Variants in WNK2 observed in about 807,000 individuals in gnomAD.
WNK2 encodes WNK lysine deficient protein kinase 2.
WNK2 carries 67 observed loss-of-function variants against 192.1 expected under a neutral mutation model. That is an observed-to-expected ratio of 0.35 (90% CI 0.29 to 0.43). The LOEUF is 0.43. Ranked by LOEUF, WNK2 falls within the 20% of genes least tolerant of loss-of-function variation. The pLI, the probability that WNK2 is intolerant of heterozygous loss-of-function variation, is 1.00. For missense variants in WNK2, 2,698 were observed against 3,089.7 expected, an observed-to-expected ratio of 0.87 and a Z score of 3.01; for synonymous variants, 1,439 against 1,393.9, an observed-to-expected ratio of 1.03 and a Z score of -0.72.
intron 2 of WNK2, among the ~76,000 whole-genome samples, chr9:93,207,908 C>T (rs1005032014): frequency 2.0e-5 from 3 of 152,244 alleles, no homozygotes; most frequent in Admixed American, 6.5e-5. Context: ...GTTCCGTTCT[C>T]GTGCCTGTGG....
chr9:93,242,649 ATC>A (rs1840974515), intron 7 of WNK2, among the ~76,000 whole-genome samples: 1 of 152,206 alleles, frequency 6.6e-6, no homozygotes, highest in Non-Finnish European at 1.5e-5. Context: ...GGCCAAGAAC[ATC>A]TCTCTGGAGG....
Position 93,263,669 on chromosome 9 carries a change from C to T in WNK2, c.3514C>T (p.Arg1172Cys), listed in dbSNP as rs1244526040. 6.3e-6 allele frequency: 10 copies of T among 1,587,404 alleles called. No individual in the cohort carries two copies. Among genetic ancestry groups the T allele is most frequent in the Middle Eastern group, 1.7e-4 (1 of 6,056 alleles). ...GGGCAGGGCAGCCCGAAAACACCACCGCAGGTCCACGCGTGCGCGCTCCCG... is the reference window on the plus strand; with the variant it reads ...GGGCAGGGCAGCCCGAAAACACCACTGCAGGTCCACGCGTGCGCGCTCCCG... ...LEGRAARKHH[R>C]RSTRARSRQE... The change falls in exon 15 of 30, where the codon CGC (arginine) becomes TGC (cysteine). Residue 1172 changes from arginine (R) to cysteine (C), a missense_variant. Arg to Cys is a radical substitution (Grantham distance 180, BLOSUM62 -3). Around this residue, in one of 7 missense-constraint regions of WNK2, gnomAD observed 893 missense variants for 909.0 expected, o/e 0.98. Transcript: ENST00000427277.
chr9:93,256,512 G>A lies in WNK2; in HGVS notation c.2190+58G>A, dbSNP rs539547638. On this transcript the variant is annotated intron_variant, in intron 10 of 29. Transcript: ENST00000427277. ...TCCAGGCAGGCAGTCACCTGTGCTG[G>A]CCCCTGGGCCCAGGTCTATGAGCAC... 5.0e-5 allele frequency: 72 copies of A among 1,448,044 alleles called. 1 individual carries two copies. The East Asian group carries it at 1.8e-3, about 36-fold the overall frequency. 89.7% of individuals were successfully genotyped at this position (1,448,044 alleles called of 1,614,324 possible).
chr9:93,231,192 C>A, intron 4 of WNK2, 84 bp downstream of exon 4: 1 of 1,373,398 alleles, frequency 7.3e-7, no homozygotes, highest in Non-Finnish European at 1.0e-6. Flanking sequence ...CAGTTTTGTT[C>A]AGACCTGGTG....
At chr9:93,205,204 G>C (rs1315611583) in intron 2 of WNK2, among the ~76,000 whole-genome samples, 2 of 152,186 alleles carry the variant, frequency 1.3e-5, no homozygotes, top group Admixed American at 1.3e-4. Flanking sequence ...GGGGAGGCTT[G>C]AGGAGCACTG....
At chr9:93,260,668 C>T (rs952780668) in intron 12 of WNK2, among the ~76,000 whole-genome samples, 3 of 152,164 alleles carry the variant, frequency 2.0e-5, no homozygotes, top group African/African-American at 7.2e-5. Flanking sequence ...CTCCAGAGGG[C>T]TTTGTGCATA....
At chr9:93,267,665 A>G (rs985781900) in intron 16 of WNK2, 81 bp from the exon 17 acceptor site, 32 of 1,430,450 alleles carry the variant, frequency 2.2e-5, no homozygotes, top group Non-Finnish European at 2.9e-5. Flanking sequence ...GGTACAGGGT[A>G]GACATCCGTC....
intron 19 of WNK2, chr9:93,269,015 A>G (rs2133240495): frequency 7.1e-7 from 1 of 1,404,280 alleles, no homozygotes; most frequent in Middle Eastern, 1.8e-4. Context: ...TGTGTGTTGA[A>G]GAGCTCCGCT....
At chr9:93,198,325 G>C (rs1199183269) in intron 2 of WNK2, among the ~76,000 whole-genome samples, 2 of 152,232 alleles carry the variant, frequency 1.3e-5, no homozygotes, top group Non-Finnish European at 2.9e-5. Context: ...TGAGGGAGCT[G>C]AGCGGCTGCA....
chr9:93,295,944 A>C (rs1266936431), intron 23 of WNK2, among the ~76,000 whole-genome samples: 33 of 35,494 alleles, frequency 9.3e-4, no homozygotes, highest in Admixed American at 2.2e-3. Context: ...CTCCACCCTC[A>C]ACTCACTTTC....
chr9:93,275,170 G>A (rs749300701), intron 19 of WNK2, among the ~76,000 whole-genome samples: 3 of 152,198 alleles, frequency 2.0e-5, no homozygotes, highest in Non-Finnish European at 2.9e-5. Flanking sequence ...GATCATAACA[G>A]TTGACACAGC....
At position 93,239,628 on chromosome 9, in the gene WNK2, T is replaced by C; in HGVS notation, c.1323-129T>C. On this transcript the variant is annotated intron_variant, in intron 6 of 29. Coordinates refer to ENST00000427277, the MANE Select transcript of WNK2 (RefSeq NM_006648.4). This position sits in a 1 kb window ranked among gnomAD's most constrained non-coding sequence, Gnocchi z 4.2. ...ATCTTTTCTTTACCCCTGGGAGTGC[T>C]GAGACATGAGGCCTGGCCTCAGGCT... 2.8e-6 allele frequency: 2 copies of C among 719,878 alleles called. No homozygotes were observed. Among genetic ancestry groups the C allele is most frequent in the Non-Finnish European group, 4.6e-6 (2 of 438,608 alleles). The allele number at this position is 719,878 out of a possible 1,614,324, so 44.6% of individuals were successfully genotyped here. A position where few individuals can be genotyped will look rare whatever the true frequency, so the allele number is the denominator to read the frequency against.
intron 27 of WNK2, chr9:93,308,030 G>A: frequency 2.3e-6 from 1 of 442,766 alleles, no homozygotes; most frequent in Non-Finnish European, 4.0e-6. Context: ...CTGGGGATGG[G>A]CAGCGGTGGG....
At position 93,257,021 on chromosome 9, in the gene WNK2, T is replaced by C. The variant is rs1203516934; in HGVS notation, c.2264T>C (p.Val755Ala). The C allele has an allele frequency of 6.2e-7, 1 of 1,603,086 alleles. No homozygotes were observed. Among genetic ancestry groups the C allele is most frequent in the East Asian group, 2.2e-5 (1 of 44,506 alleles). Residue 755 changes from valine to alanine, a missense_variant, in exon 11 of 30, where the codon GTT (valine) becomes GCT (alanine). By Grantham distance (64) the Val-to-Ala change is moderately conservative. Around this residue, in one of 7 missense-constraint regions of WNK2, gnomAD observed 893 missense variants for 909.0 expected, o/e 0.98. Transcript: ENST00000427277. This position sits in a 1 kb window ranked among gnomAD's most constrained non-coding sequence, Gnocchi z 4.7. The stretch of plus-strand genomic sequence containing the variant: ...CAGCCCGTGGTCCCCCTCCAGCCGG[T>C]TCCCCCCCACCTGCCACCGTACCTG... ...APQPVVPLQP[V>A]PPHLPPYLAP...
intron 8 of WNK2, among the ~76,000 whole-genome samples, chr9:93,249,670 T>C (rs924489271): frequency 1.3e-5 from 2 of 151,068 alleles, no homozygotes; most frequent in Non-Finnish European, 3.0e-5. Flanking sequence ...GAGACAGGGT[T>C]TCACCGTGTT....
chr9:93,190,370 A>G lies in WNK2; in HGVS notation c.681+4760A>G, dbSNP rs546530373. ...GGCACCACAGCTTGTTTTCTACTAG[A>G]AGCAGGTGCTCCTGTGGCTCAGTGG... On this transcript the variant is annotated intron_variant, in intron 2 of 29. Coordinates refer to ENST00000427277, the MANE Select transcript of WNK2 (RefSeq NM_006648.4). Among the ~76,000 whole-genome samples, 13 of 152,240 alleles carry G rather than the reference A, an allele frequency of 8.5e-5. 1 individual carries two copies. The South Asian group carries it at 2.7e-3, about 32-fold the overall frequency.
rs749725985 is a variant in WNK2, at chr9:93,252,942, C to T, written c.1894C>T (p.Gln632Ter). 1 of 1,577,518 alleles carries T rather than the reference C, an allele frequency of 6.3e-7. No individual in the cohort carries two copies. The highest frequency in any genetic ancestry group is 8.6e-7 in the Non-Finnish European group (1 of 1,162,956). ...CGTGTACTCAGACTCGCAGAGCAGCCAGCAGAGCGTGATGCTTGGCTCCCT... is the reference window on the plus strand; with the variant it reads ...CGTGTACTCAGACTCGCAGAGCAGCTAGCAGAGCGTGATGCTTGGCTCCCT... ...STVYSDSQSS[Q>*]QSVMLGSLAD... Residue 632 changes from glutamine to a stop codon, truncating the protein, a stop_gained, in exon 9 of 30, where the codon CAG becomes TAG. Coordinates refer to ENST00000427277, the MANE Select transcript of WNK2 (RefSeq NM_006648.4). LOFTEE classifies it high-confidence loss of function.
intron 5 of WNK2, among the ~76,000 whole-genome samples, chr9:93,237,196 C>T (rs1839965775): frequency 6.6e-6 from 1 of 152,234 alleles, no homozygotes; most frequent in African/African-American, 2.4e-5. Context: ...TATCTCGCTT[C>T]ATCTATGGGC....
chr9:93,234,007 A>G (rs1434703598), intron 4 of WNK2, among the ~76,000 whole-genome samples: 1 of 152,214 alleles, frequency 6.6e-6, no homozygotes, highest in Non-Finnish European at 1.5e-5. Flanking sequence ...GACCAATATA[A>G]GTAAAATAAA....
Sources: gnomAD v4.1 joint callset for allele counts (sites outside exome capture counted in the v4.1 genomes callset) on GRCh38, gnomAD v4.1.1 for gene constraint, gnomAD v4.1.1 regional missense constraint, Gnocchi (gnomAD v3.1) non-coding constraint, MANE v1.5 for transcripts, NCBI Gene and HGNC (gene_info 2026-07-23, HGNC 2026-07-21) for gene names.